MOV10L1: variants seen among roughly 807,000 people sequenced by gnomAD.
MOV10L1 encodes the protein RNA helicase Mov10l1.
In MOV10L1, 110 loss-of-function variants were observed where a neutral mutation model predicts 143.8. That is an observed-to-expected ratio of 0.76 (90% CI 0.66 to 0.90). The LOEUF (loss-of-function observed/expected upper bound fraction) is 0.90, where lower values mean the gene tolerates loss of function less well. Among genes scored for constraint, MOV10L1 ranks in the 40% least tolerant of loss-of-function variants. MOV10L1 has a pLI of 0.00. For missense variants in MOV10L1, 1,406 were observed against 1,526.8 expected, an observed-to-expected ratio of 0.92 and a Z score of 1.32; for synonymous variants, 593 against 581.1, an observed-to-expected ratio of 1.02 and a Z score of -0.29.
Position 50,125,588 on chromosome 22 carries a change from T to G in MOV10L1, c.1747+19T>G. 2 of 1,611,446 alleles carry G rather than the reference T, an allele frequency of 1.2e-6. No homozygotes were observed. Among genetic ancestry groups the G allele is most frequent in the Non-Finnish European group, 1.7e-6 (2 of 1,178,416 alleles). On this transcript the variant is annotated intron_variant, in intron 11 of 26. Transcript: ENST00000262794. ...TACGCAGGTGTGTTTGTTACTCATA[T>G]GCTTCCCTGGGTGGACTAGCAGAGA...
chr22:50,099,422 A>G, intron 2 of MOV10L1, 21 bp from the exon 3 acceptor site: 1 of 1,611,536 alleles, frequency 6.2e-7, no homozygotes, highest in Non-Finnish European at 8.5e-7. Context: ...TATGGTTTAG[A>G]GCGGTGTGTT....
At chr22:50,113,533 G>C in intron 5 of MOV10L1, 115 bp from the exon 6 acceptor site, 1 of 1,390,110 alleles carries the variant, frequency 7.2e-7, no homozygotes, top group Non-Finnish European at 9.8e-7. Context: ...AGCCCTGCCT[G>C]TGGTGAGGTG....
In MOV10L1 at chr22:50,126,267, A is replaced by T. The variant is rs1261611133; in HGVS notation, c.1813A>T (p.Thr605Ser). The part of the protein sequence containing the change: ...GHAIEYISYV[T>S]EIHEEDVTLK... Reference sequence around the variant, plus strand: ...TGCCATCGAATACATCAGCTACGTGACTGAGGTGAGAGCACTCTCTCTTAA... The same window carrying T: ...TGCCATCGAATACATCAGCTACGTGTCTGAGGTGAGAGCACTCTCTCTTAA... Residue 605 changes from threonine (T) to serine (S), a missense_variant, in exon 12 of 27, where the codon ACT (threonine) becomes TCT (serine). Thr to Ser is a moderately conservative substitution (Grantham distance 58). Around this residue, in one of 3 missense-constraint regions of MOV10L1, gnomAD observed 1,233 missense variants for 1,351.4 expected, o/e 0.91. Transcript: ENST00000262794. The T allele has an allele frequency of 1.9e-6, 3 of 1,611,282 alleles. No homozygotes were observed. The highest frequency in any genetic ancestry group is 1.1e-5 in the South Asian group (1 of 91,022).
intron 10 of MOV10L1, among the ~76,000 whole-genome samples, chr22:50,121,458 G>C (rs6010175): frequency 4.9e-4 from 74 of 151,782 alleles, no homozygotes; most frequent in African/African-American, 1.6e-3. Flanking sequence ...CTGGCACTGG[G>C]AGCCCAAACT....
intron 20 of MOV10L1, among the ~76,000 whole-genome samples, chr22:50,150,224 C>A (rs2063259829): frequency 6.6e-6 from 1 of 152,222 alleles, no homozygotes; most frequent in African/African-American, 2.4e-5. Context: ...CTGGACATTT[C>A]AGGGTCCTCC....
intron 2 of MOV10L1, among the ~76,000 whole-genome samples, chr22:50,099,118 A>G (rs1406931890): frequency 6.6e-6 from 1 of 152,148 alleles, no homozygotes; most frequent in Non-Finnish European, 1.5e-5. Flanking sequence ...TATAGACTCA[A>G]TGTTGGTGTC....
intron 3 of MOV10L1, among the ~76,000 whole-genome samples, chr22:50,104,061 A>G (rs186159763): frequency 1.6e-3 from 245 of 152,240 alleles, no homozygotes; most frequent in African/African-American, 5.5e-3. Flanking sequence ...ACAGTGACAG[A>G]TCGTCAGGCA....
chr22:50,121,714 A>T (rs2062351972), intron 10 of MOV10L1, among the ~76,000 whole-genome samples: 1 of 152,138 alleles, frequency 6.6e-6, no homozygotes, highest in South Asian at 2.1e-4. Flanking sequence ...GTCTGCTAGG[A>T]TGGAGAGGTG....
intron 6 of MOV10L1, 131 bp downstream of exon 6, chr22:50,113,919 T>TA: frequency 1.2e-6 from 1 of 861,718 alleles, no homozygotes; most frequent in Non-Finnish European, 1.6e-6. Flanking sequence ...TTTCTTTTTT[T>TA]TTTTTTTTTT....
intron 1 of MOV10L1, chr22:50,090,477 T>A (rs749008365): frequency 3.1e-6 from 5 of 1,610,222 alleles, no homozygotes; most frequent in East Asian, 2.2e-5. Flanking sequence ...CGTCTCTCCA[T>A]GTCGTTCCTC....
At chr22:50,094,186 TTGA>T (rs1330051249) in intron 2 of MOV10L1, 1 of 152,216 alleles carries the variant, frequency 6.6e-6, no homozygotes, top group African/African-American at 2.4e-5. Flanking sequence ...TTTAGAATAA[TTGA>T]TATTTGGGTC....
intron 14 of MOV10L1, 89 bp from the exon 15 acceptor site, chr22:50,134,441 T>G: frequency 1.0e-6 from 1 of 986,134 alleles, no homozygotes; most frequent in Non-Finnish European, 1.5e-6. Flanking sequence ...GAATATTAAT[T>G]GCTTTAGGGT....
At position 50,113,649 on chromosome 22, in the gene MOV10L1, G is replaced by C; in HGVS notation, c.745G>C (p.Asp249His). ...ALCMTLVKRR[D>H]AAPVHEATHF... is the part of the protein sequence containing the mutation. The stretch of plus-strand genomic sequence containing the variant: ...GTCTTTCTGGGGCTCTTTTTTCAGA[G>C]ACGCCGCCCCTGTTCATGAGGCCAC... Residue 249 changes from aspartate to histidine, a missense_variant and splice_region_variant, in exon 6 of 27, where the codon GAC becomes CAC. Physicochemically the swap from Asp to His is moderately conservative, Grantham distance 81. Transcript: ENST00000262794. 1 of 1,612,166 alleles carries C rather than the reference G, an allele frequency of 6.2e-7. No individual in the cohort carries two copies. The highest frequency in any genetic ancestry group is 8.5e-7 in the Non-Finnish European group (1 of 1,179,444).
At chr22:50,135,759 A>C (rs547754431) in intron 15 of MOV10L1, among the ~76,000 whole-genome samples, 1 of 152,098 alleles carries the variant, frequency 6.6e-6, no homozygotes, top group East Asian at 1.9e-4. Context: ...TCAAAAAAAA[A>C]AAAAAAAAGC....
Position 50,142,626 on chromosome 22 carries a change from C to G in MOV10L1, c.2180-417C>G, listed in dbSNP as rs145088738. ...GGCAGATCATATGAGCTCAGGAGTT[C>G]GAGACCAACCTGGACAACATGGCGA... On this transcript the variant is annotated intron_variant, in intron 16 of 26. Transcript: ENST00000262794. 2.0e-5 allele frequency among the ~76,000 whole-genome samples: 3 copies of G among 151,148 alleles called. No homozygotes were observed. The East Asian group carries it at 5.8e-4, about 29-fold the overall frequency.
rs566511196 is a variant in MOV10L1, at chr22:50,143,882, C to G, written c.2359-215C>G. Among the ~76,000 whole-genome samples the G allele has an allele frequency of 1.1e-4, 17 of 152,308 alleles. No homozygotes were observed. In the East Asian group the frequency reaches 2.9e-3, roughly 26 times the overall value. On this transcript the variant is annotated intron_variant, in intron 17 of 26. Coordinates refer to ENST00000262794, the MANE Select transcript of MOV10L1 (RefSeq NM_018995.3). ...TCTGCCCTGAAAGGTGGTTTAGAAT[C>G]TTAGAGAGTGCGGAGAACCTTCCCA...
chr22:50,092,001 G>A lies in MOV10L1; in HGVS notation c.98G>A (p.Gly33Asp). The change falls in exon 2 of 27, where the codon GGT becomes GAT. Residue 33 changes from glycine (G) to aspartate (D), a missense_variant and splice_region_variant. Coordinates refer to ENST00000262794, the MANE Select transcript of MOV10L1 (RefSeq NM_018995.3). Reference sequence around the variant, plus strand: ...TAACTTCTTTGTTTACCTACCTCAGGTGACACTAAGCTGAAAACTGTACGG... The same window carrying A: ...TAACTTCTTTGTTTACCTACCTCAGATGACACTAAGCTGAAAACTGTACGG... ...AGQLEPELAEGDTKLKTVRGV... is the reference protein window; with the variant it reads ...AGQLEPELAEDDTKLKTVRGV... 8 of 1,612,574 alleles carry A rather than the reference G, an allele frequency of 5.0e-6. No homozygotes were observed. The highest frequency in any genetic ancestry group is 2.7e-5 in the African/African-American group (2 of 75,026).
intron 10 of MOV10L1, among the ~76,000 whole-genome samples, chr22:50,123,294 G>T (rs2062405637): frequency 6.6e-6 from 1 of 150,872 alleles, no homozygotes; most frequent in East Asian, 1.9e-4. Flanking sequence ...TACAGTAATT[G>T]ATTTTCAAAT....
intron 15 of MOV10L1, among the ~76,000 whole-genome samples, chr22:50,135,844 A>G (rs771926262): frequency 6.6e-6 from 1 of 151,822 alleles, no homozygotes; most frequent in African/African-American, 2.4e-5. Context: ...GGCTCTCAGT[A>G]TATTTTTGTG....
Sources: allele counts gnomAD v4.1 joint callset (sites outside exome capture counted in the v4.1 genomes callset), GRCh38; gene constraint gnomAD v4.1.1; regional missense constraint gnomAD v4.1.1; transcripts MANE v1.5; gene names NCBI Gene and HGNC (gene_info 2026-07-23, HGNC 2026-07-21).